CEP63: variants seen among roughly 807,000 people sequenced by gnomAD.
CEP63 encodes the protein centrosomal protein of 63 kDa.
CEP63 carries 84 observed loss-of-function variants against 89.1 expected under a neutral mutation model. The observed-to-expected ratio is 0.94, with a 90% confidence interval of 0.79 to 1.13. CEP63 has a LOEUF of 1.13. Among genes scored for constraint, CEP63 ranks in the 50% most tolerant of loss-of-function variants. CEP63 has a pLI of 0.00. For synonymous variants in CEP63, 267 were observed against 272.5 expected, an observed-to-expected ratio of 0.98 and a Z score of 0.20; for missense variants, 838 against 813.3, an observed-to-expected ratio of 1.03 and a Z score of -0.37.
the CEP63 span, among the ~76,000 whole-genome samples, chr3:134,609,832 G>A: frequency 6.6e-6 from 1 of 152,236 alleles, no homozygotes; most frequent in Non-Finnish European, 1.5e-5. Flanking sequence ...ATTTGTGCCT[G>A]GTAATGTGGT....
chr3:134,669,805 C>T, the CEP63 span, among the ~76,000 whole-genome samples: 1 of 152,132 alleles, frequency 6.6e-6, no homozygotes, highest in Non-Finnish European at 1.5e-5. Flanking sequence ...TTTCTGTGCA[C>T]AAGAAAAGGT....
intron 6 of CEP63, among the ~76,000 whole-genome samples, chr3:134,539,215 C>G (rs770790863): frequency 4.6e-5 from 7 of 152,234 alleles, no homozygotes; most frequent in Non-Finnish European, 8.8e-5. Flanking sequence ...TAGTTGTCAT[C>G]ATCTTGTCAA....
chr3:134,684,095 G>T, the CEP63 span, among the ~76,000 whole-genome samples: 1 of 152,142 alleles, frequency 6.6e-6, no homozygotes, highest in Non-Finnish European at 1.5e-5. Flanking sequence ...GAGAGCAAAT[G>T]GTCCTAAGAC....
At position 134,550,733 on chromosome 3, in the gene CEP63, C is replaced by T. The variant is rs150719199; in HGVS notation, c.1380+473C>T. Among the ~76,000 whole-genome samples, 1,320 of 152,174 alleles carry T rather than the reference C, an allele frequency of 8.7e-3. 7 individuals carry two copies. Among genetic ancestry groups the T allele is most frequent in the Non-Finnish European group, 0.011 (734 of 68,014 alleles). ...GGCTGCTGAAGGGCTACGTTAGCCA[C>T]GTAAAGGAGTTATACTGTGACCTTG... On this transcript the variant is annotated intron_variant, in intron 11 of 14. Transcript: ENST00000675561.
At chr3:134,492,436 G>GC (rs1938009706) in intron 1 of CEP63, among the ~76,000 whole-genome samples, 1 of 151,726 alleles carries the variant, frequency 6.6e-6, no homozygotes, top group Non-Finnish European at 1.5e-5. Context: ...CAGAAAATCA[G>GC]CCCTTACTAT....
At chr3:134,694,629 C>G in the CEP63 span, among the ~76,000 whole-genome samples, 1 of 152,208 alleles carries the variant, frequency 6.6e-6, no homozygotes, top group African/African-American at 2.4e-5. Context: ...GGCTCACAAG[C>G]CAGATGCCAG....
the CEP63 span, among the ~76,000 whole-genome samples, chr3:134,747,569 G>C: frequency 6.6e-6 from 1 of 152,170 alleles, no homozygotes; most frequent in Non-Finnish European, 1.5e-5. Flanking sequence ...AAAGTTCCAC[G>C]TGAGCTCAGG....
rs71139540 is a variant in CEP63, at chr3:134,551,724, CATATAT to C, written c.1381-176_1381-171del. ...ATCTTAAAAATCTTTTTAGAAAGTC[CATATAT>C]ATATATATATATATATATATATATA... On this transcript the variant is annotated intron_variant, in intron 11 of 14. Coordinates refer to ENST00000675561, the MANE Select transcript of CEP63 (RefSeq NM_001353108.3). Among the ~76,000 whole-genome samples the C allele has an allele frequency of 0.42, 33,628 of 80,968 alleles. 4,184 individuals are homozygous for C. The highest frequency in any genetic ancestry group is 0.44 in the African/African-American group (11,211 of 25,330). The allele number at this position is 80,968 out of a possible 152,430, so 53.1% of individuals were successfully genotyped here.
At chr3:134,694,919 A>G in the CEP63 span, among the ~76,000 whole-genome samples, 1 of 152,108 alleles carries the variant, frequency 6.6e-6, no homozygotes, top group Non-Finnish European at 1.5e-5. Flanking sequence ...GTGTGTTTGT[A>G]TTTGTGTGTG....
At chr3:134,640,141 TGAG>T in the CEP63 span, among the ~76,000 whole-genome samples, 1 of 150,226 alleles carries the variant, frequency 6.7e-6, no homozygotes, top group African/African-American at 2.5e-5. Context: ...AAAGAGAGGC[TGAG>T]GAGGAGAGAA....
intron 5 of CEP63, among the ~76,000 whole-genome samples, chr3:134,533,950 C>T (rs1323099913): frequency 6.6e-6 from 1 of 152,136 alleles, no homozygotes; most frequent in Non-Finnish European, 1.5e-5. Flanking sequence ...TGCTTCCCTT[C>T]CACCCTTTTC....
chr3:134,687,353 C>A, the CEP63 span, among the ~76,000 whole-genome samples: 1 of 152,230 alleles, frequency 6.6e-6, no homozygotes, highest in African/African-American at 2.4e-5. Flanking sequence ...GAAACTCTAA[C>A]TTTAACTTGA....
At chr3:134,531,596 AAAAG>A (rs1183486270) in intron 3 of CEP63, among the ~76,000 whole-genome samples, 5 of 152,092 alleles carry the variant, frequency 3.3e-5, no homozygotes, top group South Asian at 4.1e-4. Flanking sequence ...GAAAAAAAGA[AAAAG>A]AGAGAGAGTC....
At chr3:134,679,567 A>G in the CEP63 span, among the ~76,000 whole-genome samples, 1 of 152,218 alleles carries the variant, frequency 6.6e-6, no homozygotes, top group African/African-American at 2.4e-5. Context: ...CATATAAACT[A>G]TTATGGACTG....
the CEP63 span, among the ~76,000 whole-genome samples, chr3:134,715,458 C>T: frequency 2.0e-5 from 3 of 151,392 alleles, no homozygotes; most frequent in South Asian, 2.1e-4. Context: ...GTAATGCCTG[C>T]GCACTTGCAC....
chr3:134,738,206 G>A, the CEP63 span, among the ~76,000 whole-genome samples: 1 of 151,072 alleles, frequency 6.6e-6, no homozygotes, highest in African/African-American at 2.4e-5. Flanking sequence ...CACTGGAAAT[G>A]CTGTTAATTC....
At chr3:134,510,956 C>T (rs1001644491) in intron 3 of CEP63, 1 of 168,444 alleles carries the variant, frequency 5.9e-6, no homozygotes, top group African/African-American at 2.5e-5. Flanking sequence ...GGGACGTTTA[C>T]CCCTTGTCCA....
Position 134,537,217 on chromosome 3 carries a change from T to G in CEP63, c.504T>G (p.Ser168=), listed in dbSNP as rs141971702. ...KQRLIYQQQV[S]SLEAQRKALA... ...GCTTGATTTATCAGCAACAGGTATC[T>G]TCACTGGAGGCACAAAGGAAGGCTC... The change falls in exon 6 of 15, where the codon TCT becomes TCG. Residue 168 remains serine, a synonymous_variant. Transcript: ENST00000675561. 4.5e-5 allele frequency: 72 copies of G among 1,613,870 alleles called. No homozygotes were observed. Among genetic ancestry groups the G allele is most frequent in the Non-Finnish European group, 5.9e-5 (70 of 1,179,856 alleles).
chr3:134,724,957 A>G, the CEP63 span, among the ~76,000 whole-genome samples: 1 of 152,224 alleles, frequency 6.6e-6, no homozygotes, highest in Non-Finnish European at 1.5e-5. Flanking sequence ...TAAACTCTCA[A>G]TAATTGAAAA....
Sources: gnomAD v4.1 joint callset for allele counts (sites outside exome capture counted in the v4.1 genomes callset) on GRCh38, gnomAD v4.1.1 for gene constraint, MANE v1.5 for transcripts, NCBI Gene and HGNC (gene_info 2026-07-23, HGNC 2026-07-21) for gene names.